The following CDH12 variants were observed in gnomAD, a reference collection of about 807,000 sequenced individuals.
The protein encoded by CDH12 is cadherin-12.
A neutral mutation model predicts 74.1 loss-of-function variants in CDH12; 41 were observed. The observed-to-expected ratio is 0.55, with a 90% CI of 0.43 to 0.72. The LOEUF is 0.72. Among genes scored for constraint, CDH12 ranks in the 30% least tolerant of loss-of-function variants. CDH12 has a pLI of 0.00. For synonymous variants in CDH12, 399 were observed against 355.0 expected, an observed-to-expected ratio of 1.12 and a Z score of -1.39; for missense variants, 945 against 977.2, an observed-to-expected ratio of 0.97 and a Z score of 0.44.
intron 3 of CDH12, among the ~76,000 whole-genome samples, chr5:22,344,035 A>G (rs2355596): frequency 0.36 from 54,116 of 152,040 alleles, 9,938 homozygotes; most frequent in South Asian, 0.47. Flanking sequence ...ATCACCTAAG[A>G]AACACCCTGA....
intron 3 of CDH12, among the ~76,000 whole-genome samples, chr5:22,328,198 G>T (rs1484496300): frequency 2.6e-5 from 4 of 152,184 alleles, no homozygotes; most frequent in African/African-American, 9.6e-5. Flanking sequence ...TGATTGTCTT[G>T]ATCTTACTAA....
At chr5:22,297,616 C>T (rs889228768) in intron 3 of CDH12, among the ~76,000 whole-genome samples, 8 of 152,116 alleles carry the variant, frequency 5.3e-5, no homozygotes, top group African/African-American at 7.2e-5. Context: ...TTACAACATG[C>T]GATTGTATTT....
At chr5:21,942,109 T>C (rs974338946) in intron 6 of CDH12, among the ~76,000 whole-genome samples, 1 of 151,906 alleles carries the variant, frequency 6.6e-6, no homozygotes, top group African/African-American at 2.4e-5. Context: ...AGGAAGGAGA[T>C]GGGAGATGTG....
At chr5:22,115,010 A>C (rs1339026452) in intron 4 of CDH12, among the ~76,000 whole-genome samples, 1 of 152,242 alleles carries the variant, frequency 6.6e-6, no homozygotes, top group Non-Finnish European at 1.5e-5. Flanking sequence ...ACAATCCAGG[A>C]ACAAAGAGGT....
At chr5:22,451,668 T>C in intron 2 of CDH12, among the ~76,000 whole-genome samples, 1 of 152,008 alleles carries the variant, frequency 6.6e-6, no homozygotes, top group Non-Finnish European at 1.5e-5. Context: ...CAAGGATGTC[T>C]ACTTTCAACA....
At position 22,534,668 on chromosome 5, in the gene CDH12, C is replaced by G. The variant is rs931489146; in HGVS notation, c.-522-29304G>C. Among the ~76,000 whole-genome samples, 4 of 151,690 alleles carry G rather than the reference C, an allele frequency of 2.6e-5. No individual in the cohort carries two copies. In the South Asian group the frequency reaches 8.3e-4, roughly 32 times the overall value. On this transcript the variant is annotated intron_variant, in intron 1 of 14. Coordinates refer to ENST00000382254, the MANE Select transcript of CDH12 (RefSeq NM_004061.5). ...GGAGGAGAGAAAGGGAAAGAGGCAACAGGGGAGAGGGGAGAGGCCATATGG... is the reference window on the plus strand; with the variant it reads ...GGAGGAGAGAAAGGGAAAGAGGCAAGAGGGGAGAGGGGAGAGGCCATATGG...
chr5:22,475,266 G>A (rs1018954957), intron 2 of CDH12, among the ~76,000 whole-genome samples: 2 of 151,580 alleles, frequency 1.3e-5, no homozygotes, highest in African/African-American at 4.9e-5. Context: ...TTATACTATT[G>A]TGAATTACTT....
Position 22,759,624 on chromosome 5 carries a change from C to T in CDH12, c.-523+93434G>A, listed in dbSNP as rs187330607. ...TTGCATGGCTCGAGTTAAAACTTCT[C>T]GCATTTATTATGAAATAATTTTTAA... On this transcript the variant is annotated intron_variant, in intron 1 of 14. Transcript: ENST00000382254. Among the ~76,000 whole-genome samples, 860 of 152,204 alleles carry T rather than the reference C, an allele frequency of 5.7e-3. 3 individuals carry two copies. Among genetic ancestry groups the T allele is most frequent in the South Asian group, 0.027 (129 of 4,828 alleles).
chr5:22,752,092 T>G (rs1745609150), intron 1 of CDH12, among the ~76,000 whole-genome samples: 1 of 152,208 alleles, frequency 6.6e-6, no homozygotes, highest in South Asian at 2.1e-4. Flanking sequence ...TATTAAAAAC[T>G]AAATGTATTA....
chr5:21,893,060 C>T (rs1752965305), intron 6 of CDH12, among the ~76,000 whole-genome samples: 1 of 152,116 alleles, frequency 6.6e-6, no homozygotes, highest in Non-Finnish European at 1.5e-5. Context: ...CCTTTATCTT[C>T]TATAGTAACA....
intron 3 of CDH12, among the ~76,000 whole-genome samples, chr5:22,234,643 C>A (rs1048245658): frequency 6.7e-6 from 1 of 149,594 alleles, no homozygotes; most frequent in African/African-American, 2.5e-5. Context: ...CTATATCTAT[C>A]CATATATCTA....
At chr5:22,427,793 T>C (rs1382369664) in intron 2 of CDH12, among the ~76,000 whole-genome samples, 1 of 152,148 alleles carries the variant, frequency 6.6e-6, no homozygotes, top group Non-Finnish European at 1.5e-5. Context: ...GCACAAGTTG[T>C]ATCATGTCTA....
At chr5:22,666,978 C>A (rs768481691) in intron 1 of CDH12, among the ~76,000 whole-genome samples, 11 of 152,168 alleles carry the variant, frequency 7.2e-5, no homozygotes, top group Non-Finnish European at 1.5e-5. Context: ...CCCCAATTTG[C>A]GCTTTGGCTA....
intron 1 of CDH12, among the ~76,000 whole-genome samples, chr5:22,778,113 C>T (rs1028925599): frequency 2.0e-5 from 3 of 152,118 alleles, no homozygotes; most frequent in Non-Finnish European, 4.4e-5. Context: ...CCAGATATTA[C>T]ATTTTTTTGT....
intron 1 of CDH12, among the ~76,000 whole-genome samples, chr5:22,670,384 TTAAA>T: frequency 6.6e-6 from 1 of 152,186 alleles, no homozygotes; most frequent in Admixed American, 6.5e-5. Context: ...TATCATATTT[TTAAA>T]TAACATTAAG....
At chr5:22,102,486 T>C (rs1366547109) in intron 4 of CDH12, among the ~76,000 whole-genome samples, 2 of 152,110 alleles carry the variant, frequency 1.3e-5, no homozygotes, top group Non-Finnish European at 2.9e-5. Flanking sequence ...CTGATCAACA[T>C]GGTGAAGCCC....
intron 4 of CDH12, among the ~76,000 whole-genome samples, chr5:22,127,134 T>C (rs1745914660): frequency 6.6e-6 from 1 of 152,044 alleles, no homozygotes; most frequent in African/African-American, 2.4e-5. Flanking sequence ...ATATTGTGCA[T>C]TTTCAAATAA....
chr5:22,470,918 T>C (rs1475179041), intron 2 of CDH12, among the ~76,000 whole-genome samples: 1 of 150,746 alleles, frequency 6.6e-6, no homozygotes, highest in East Asian at 2.0e-4. Context: ...TCTGAAAAAC[T>C]AAATTTGTGT....
chr5:21,929,163 C>G (rs1233269086), intron 6 of CDH12, among the ~76,000 whole-genome samples: 1 of 151,998 alleles, frequency 6.6e-6, no homozygotes, highest in Non-Finnish European at 1.5e-5. Context: ...ACCTTTTTGG[C>G]ACCAGGGACC....
Sources: gnomAD v4.1 joint callset for allele counts (sites outside exome capture counted in the v4.1 genomes callset) on GRCh38, gnomAD v4.1.1 for gene constraint, MANE v1.5 for transcripts, NCBI Gene and HGNC (gene_info 2026-07-23, HGNC 2026-07-21) for gene names.